CHRM3: variants seen among roughly 807,000 people sequenced by gnomAD.
The protein encoded by CHRM3 is cholinergic receptor muscarinic 3, also known as muscarinic acetylcholine receptor M3.
CHRM3 carries 11 observed loss-of-function variants against 41.8 expected under a neutral mutation model. That is an observed-to-expected ratio of 0.26 (90% CI 0.17 to 0.44). The LOEUF is 0.44. Ranked by LOEUF, CHRM3 falls within the 20% of genes least tolerant of loss-of-function variation. The pLI is 1.00. For synonymous variants in CHRM3, 297 were observed against 301.4 expected (o/e 0.99, Z 0.15); for missense variants, 571 against 745.4 (o/e 0.77, Z 2.72).
At chr1:239,658,198 C>T (rs1318739013) in intron 4 of CHRM3, among the ~76,000 whole-genome samples, 6 of 152,276 alleles carry the variant, frequency 3.9e-5, no homozygotes, top group African/African-American at 1.4e-4. Flanking sequence ...GGGCTTCAAA[C>T]AATAAAGCGA....
chr1:239,722,403 C>A (rs546705049), intron 5 of CHRM3, among the ~76,000 whole-genome samples: 113 of 152,014 alleles, frequency 7.4e-4, no homozygotes, highest in Non-Finnish European at 1.4e-3. Flanking sequence ...CTCCTCCCCA[C>A]AAATATTATT....
At chr1:239,724,618 T>C (rs1663269547) in intron 5 of CHRM3, among the ~76,000 whole-genome samples, 1 of 151,954 alleles carries the variant, frequency 6.6e-6, no homozygotes, top group Non-Finnish European at 1.5e-5. Context: ...TAAATGCTAA[T>C]GTGAGAATAA....
chr1:239,720,847 T>C (rs1442245200), intron 5 of CHRM3, among the ~76,000 whole-genome samples: 1 of 151,918 alleles, frequency 6.6e-6, no homozygotes, highest in African/African-American at 2.4e-5. Context: ...TAGCCCCTTA[T>C]CTTTATTTAA....
chr1:239,727,520 G>A (rs1267497298), intron 5 of CHRM3: 1 of 151,852 alleles, frequency 6.6e-6, no homozygotes, highest in Non-Finnish European at 1.5e-5. Context: ...TTGGCTGTAT[G>A]TGCTTTTATA....
chr1:239,516,670 C>T (rs1669294087), intron 2 of CHRM3, among the ~76,000 whole-genome samples: 1 of 152,154 alleles, frequency 6.6e-6, no homozygotes, highest in African/African-American at 2.4e-5. Flanking sequence ...ATGCAGGGCC[C>T]CCTAACCCTG....
chr1:239,417,682 C>T (rs1242552194), intron 1 of CHRM3, among the ~76,000 whole-genome samples: 4 of 145,508 alleles, frequency 2.7e-5, no homozygotes, highest in African/African-American at 1.0e-4. Context: ...TATTTAAAGA[C>T]ATCTCTTTCA....
intron 3 of CHRM3, among the ~76,000 whole-genome samples, chr1:239,591,372 A>G (rs1664131290): frequency 6.6e-6 from 1 of 152,088 alleles, no homozygotes; most frequent in African/African-American, 2.4e-5. Flanking sequence ...CTTTTCTGAC[A>G]TTTCCTGGCA....
At chr1:239,695,871 A>G (rs764144778) in intron 5 of CHRM3, among the ~76,000 whole-genome samples, 5 of 152,182 alleles carry the variant, frequency 3.3e-5, no homozygotes, top group Non-Finnish European at 5.9e-5. Flanking sequence ...ACGCTCAAAA[A>G]TTTGCACAAT....
At chr1:239,863,949 A>C (rs1486854952) in intron 6 of CHRM3, among the ~76,000 whole-genome samples, 1 of 152,220 alleles carries the variant, frequency 6.6e-6, no homozygotes, top group Non-Finnish European at 1.5e-5. Flanking sequence ...CAGGAATGTA[A>C]GGATGGTTTG....
intron 3 of CHRM3, among the ~76,000 whole-genome samples, chr1:239,551,144 CTTTTTTTT>C (rs1157407521): frequency 6.6e-5 from 4 of 60,358 alleles, no homozygotes; most frequent in Non-Finnish European, 9.0e-5. Context: ...TGTTACCATT[CTTTTTTTT>C]TTTTTTTTTT....
At chr1:239,810,790 C>T (rs1386511719) in intron 5 of CHRM3, among the ~76,000 whole-genome samples, 1 of 152,184 alleles carries the variant, frequency 6.6e-6, no homozygotes. Flanking sequence ...GTTTATCAAC[C>T]CTTTGAGGCC....
intron 1 of CHRM3, among the ~76,000 whole-genome samples, chr1:239,483,970 A>G (rs1023650907): frequency 5.9e-5 from 9 of 152,210 alleles, no homozygotes; most frequent in African/African-American, 1.7e-4. Flanking sequence ...ATTTAACCAC[A>G]ATGGACTTTG....
rs1456987647 is a variant in CHRM3 at position 239,404,458 on chromosome 1, GAAAGAAAGAA to G, written c.-521+17243_-521+17252del. Among the ~76,000 whole-genome samples the G allele has an allele frequency of 7.4e-3, 1,023 of 138,894 alleles. 48 individuals carry two copies. Among genetic ancestry groups the G allele is most frequent in the Middle Eastern group, 0.019 (5 of 262 alleles). The allele number at this position is 138,894 out of a possible 152,430, so 91.1% of individuals were successfully genotyped here. On this transcript the variant is annotated intron_variant, in intron 1 of 6. Transcript: ENST00000676153. Reference sequence around the variant, plus strand: ...AGAAAGAAAGAAAGAAAGAAAGAAAGAAAGAAAGAAAAAGAAAGAAAGAAAGGAACATTTA... The same window carrying G: ...AGAAAGAAAGAAAGAAAGAAAGAAAGAAAGAAAGAAAGAAAGGAACATTTA...
intron 5 of CHRM3, among the ~76,000 whole-genome samples, chr1:239,750,797 T>A (rs999434996): frequency 1.3e-5 from 2 of 152,234 alleles, no homozygotes; most frequent in Non-Finnish European, 2.9e-5. Flanking sequence ...ATAGTCTCTA[T>A]GTTTTCTGGT....
chr1:239,867,005 C>A (rs990345693), intron 6 of CHRM3, among the ~76,000 whole-genome samples: 2 of 152,210 alleles, frequency 1.3e-5, no homozygotes, highest in South Asian at 4.1e-4. Flanking sequence ...TAGAACCACA[C>A]TCCAACCTGC....
At chr1:239,807,910 C>T (rs1441996175) in intron 5 of CHRM3, among the ~76,000 whole-genome samples, 1 of 152,018 alleles carries the variant, frequency 6.6e-6, no homozygotes, top group Non-Finnish European at 1.5e-5. Flanking sequence ...AAAGAATTTG[C>T]TGCTTGGTGG....
intron 1 of CHRM3, among the ~76,000 whole-genome samples, chr1:239,424,357 G>A (rs1021609639): frequency 6.6e-6 from 1 of 151,922 alleles, no homozygotes; most frequent in Non-Finnish European, 1.5e-5. Flanking sequence ...AATGGGTTTT[G>A]AGCTAGGCTT....
chr1:239,882,294 C>T lies in CHRM3; in HGVS notation c.-19-25139C>T, dbSNP rs80053835. 1.2e-3 allele frequency among the ~76,000 whole-genome samples: 187 copies of T among 152,268 alleles called. 1 individual carries two copies. Among genetic ancestry groups the T allele is most frequent in the African/African-American group, 4.4e-3 (181 of 41,546 alleles). The stretch of plus-strand genomic sequence containing the variant: ...ATCATATGCTAATTCGTAGTGGTGC[C>T]TCTCTGGCGTGCAGGTGATTGTTAG... On this transcript the variant is annotated intron_variant, in intron 6 of 6. Transcript: ENST00000676153.
At chr1:239,496,590 T>C (rs1388700783) in intron 2 of CHRM3, among the ~76,000 whole-genome samples, 2 of 151,864 alleles carry the variant, frequency 1.3e-5, no homozygotes, top group Non-Finnish European at 2.9e-5. Context: ...ACAACCTTTG[T>C]CTCATTCATC....
Sources: gnomAD v4.1 joint callset for allele counts (sites outside exome capture counted in the v4.1 genomes callset) on GRCh38, gnomAD v4.1.1 for gene constraint, MANE v1.5 for transcripts, NCBI Gene and HGNC (gene_info 2026-07-23, HGNC 2026-07-21) for gene names.